Variants in ZBTB46 observed in about 807,000 individuals in gnomAD.
ZBTB46 encodes the protein zinc finger and BTB domain-containing protein 46.
In ZBTB46, 8 loss-of-function variants were observed where a neutral mutation model predicts 44.1. That is an observed-to-expected ratio of 0.18 (90% confidence interval 0.11 to 0.33). The LOEUF is 0.33. Among genes scored for constraint, ZBTB46 ranks in the 10% least tolerant of loss-of-function variants. The pLI, the probability that ZBTB46 is intolerant of heterozygous loss-of-function variation, is 1.00. For missense variants in ZBTB46, 651 were observed against 847.7 expected (o/e 0.77, Z 2.88); for synonymous variants, 409 against 382.3 (o/e 1.07, Z -0.81).
chr20:63,764,711 T>C (rs1025673370), intron 3 of ZBTB46, among the ~76,000 whole-genome samples: 1 of 151,328 alleles, frequency 6.6e-6, no homozygotes, highest in African/African-American at 2.4e-5. Flanking sequence ...CAAACAGTTC[T>C]CCTGCCTCAG....
In ZBTB46 at chr20:63,744,653, C is replaced by T. The variant is rs748342250; in HGVS notation, c.*2277G>A. 1.2e-4 allele frequency: 18 copies of T among 152,488 alleles called. No homozygotes were observed. The highest frequency in any genetic ancestry group is 3.4e-3 in the Middle Eastern group (1 of 294). The allele number at this position is 152,488 out of a possible 1,614,324, so 9.4% of individuals were successfully genotyped here. A position where few individuals can be genotyped will look rare whatever the true frequency, so the allele number is the denominator to read the frequency against. On this transcript the variant is annotated 3_prime_UTR_variant, in exon 5 of 5. Coordinates refer to ENST00000245663, the MANE Select transcript of ZBTB46 (RefSeq NM_001369741.1). ...GAGATGGACGTGCTCACCTGGGCCT[C>T]GGAAATCCCACACTCTTCAGTCGGC...
At chr20:63,807,850 C>CTCG (rs1017392719) in intron 1 of ZBTB46, among the ~76,000 whole-genome samples, 3 of 152,290 alleles carry the variant, frequency 2.0e-5, no homozygotes, top group Non-Finnish European at 4.4e-5. Context: ...CAGAGCGGGG[C>CTCG]TCGCCCGGTG....
chr20:63,790,522 G>A lies in ZBTB46; in HGVS notation c.236C>T (p.Thr79Met), dbSNP rs1336448650. The A allele has an allele frequency of 1.2e-6, 2 of 1,612,750 alleles. No individual in the cohort carries two copies. The highest frequency in any genetic ancestry group is 1.3e-5 in the African/African-American group (1 of 75,056). ...QATVTHLDIV[T>M]AQGFKAIIDF... ...GATGATGGCCTTGAAGCCCTGGGCC[G>A]TGACGATGTCCAGGTGCGTGACCGT... The change falls in exon 2 of 5, where the codon ACG (threonine) becomes ATG (methionine). Residue 79 changes from threonine (T) to methionine (M), a missense_variant. Transcript: ENST00000245663.
rs201298710 is a variant in ZBTB46 at position 63,762,653 on chromosome 20, AAAAC to A, written c.1223-9796_1223-9793del. Among the ~76,000 whole-genome samples the A allele has an allele frequency of 7.3e-3, 1,102 of 150,074 alleles. 23 individuals are homozygous for A. The East Asian group carries it at 0.098, about 13-fold the overall frequency. On this transcript the variant is annotated intron_variant, in intron 3 of 4. Coordinates refer to ENST00000245663, the MANE Select transcript of ZBTB46 (RefSeq NM_001369741.1). ...TGGGCAACAGTGAGACTTCTCTCAA[AAAAC>A]AAACAAACAAACAAACAAACAAAAA...
chr20:63,804,493 C>T (rs1473037746), intron 1 of ZBTB46, among the ~76,000 whole-genome samples: 1 of 152,188 alleles, frequency 6.6e-6, no homozygotes, highest in African/African-American at 2.4e-5. Flanking sequence ...CTTACACTGA[C>T]AGCACACATG....
At chr20:63,783,711 C>A (rs6122175) in intron 2 of ZBTB46, among the ~76,000 whole-genome samples, 82,664 of 151,974 alleles carry the variant, frequency 0.54, 22,652 homozygotes, top group South Asian at 0.62. Context: ...AGCCAAGCAT[C>A]TCCCGAGCAG....
chr20:63,830,057 G>A (rs1010972885), intron 1 of ZBTB46, among the ~76,000 whole-genome samples: 1 of 152,236 alleles, frequency 6.6e-6, no homozygotes, highest in South Asian at 2.1e-4. Flanking sequence ...CACGGAAAGC[G>A]AGAGAGGAAA....
chr20:63,819,946 G>C (rs913843483), intron 1 of ZBTB46, among the ~76,000 whole-genome samples: 1 of 152,094 alleles, frequency 6.6e-6, no homozygotes, highest in Admixed American at 6.6e-5. Context: ...TAAAAGCAAC[G>C]AAATACTATA....
chr20:63,799,947 C>T (rs1257312186), intron 1 of ZBTB46, among the ~76,000 whole-genome samples: 1 of 152,194 alleles, frequency 6.6e-6, no homozygotes, highest in Non-Finnish European at 1.5e-5. Flanking sequence ...GGTACCTACC[C>T]GAGAAGCAAA....
chr20:63,819,777 C>A (rs1199805546), intron 1 of ZBTB46, among the ~76,000 whole-genome samples: 3 of 152,156 alleles, frequency 2.0e-5, no homozygotes, highest in Non-Finnish European at 4.4e-5. Context: ...ACTCCGCCAA[C>A]AAGTAAGAAA....
chr20:63,765,993 C>T (rs906202188), intron 3 of ZBTB46, among the ~76,000 whole-genome samples: 2 of 152,146 alleles, frequency 1.3e-5, no homozygotes, highest in Non-Finnish European at 2.9e-5. Context: ...CAACTCTCTC[C>T]CCGCTGGGCC....
chr20:63,755,804 CT>C (rs35655140), intron 3 of ZBTB46, among the ~76,000 whole-genome samples: 2 of 152,160 alleles, frequency 1.3e-5, no homozygotes, highest in Non-Finnish European at 2.9e-5. Context: ...ACTGGGAAGC[CT>C]TTAAAGTCCA....
chr20:63,771,430 G>A (rs1219040650), intron 3 of ZBTB46, among the ~76,000 whole-genome samples: 1 of 152,182 alleles, frequency 6.6e-6, no homozygotes, highest in East Asian at 1.9e-4. Context: ...GCCGGGCCTG[G>A]CGCTCCCGCA....
At chr20:63,789,085 G>A (rs568968695) in intron 2 of ZBTB46, among the ~76,000 whole-genome samples, 162 of 151,418 alleles carry the variant, frequency 1.1e-3, no homozygotes, top group African/African-American at 3.5e-3. Context: ...TCAAAGTGCT[G>A]GGATTACAGG....
At chr20:63,782,467 C>A (rs961913261) in intron 2 of ZBTB46, among the ~76,000 whole-genome samples, 1 of 152,158 alleles carries the variant, frequency 6.6e-6, no homozygotes. Flanking sequence ...GCAGCCCTGC[C>A]GGCTGCTTCA....
intron 1 of ZBTB46, among the ~76,000 whole-genome samples, chr20:63,829,210 G>A (rs908356261): frequency 1.3e-5 from 2 of 152,174 alleles, no homozygotes; most frequent in Non-Finnish European, 2.9e-5. Flanking sequence ...CTGACCTGGG[G>A]GCCCTTAGGT....
chr20:63,753,256 C>T (rs1007794934), intron 3 of ZBTB46, among the ~76,000 whole-genome samples: 8 of 152,178 alleles, frequency 5.3e-5, no homozygotes. Context: ...GGCGTGGTGT[C>T]CGATCAGACG....
At chr20:63,819,795 G>A (rs745356364) in intron 1 of ZBTB46, among the ~76,000 whole-genome samples, 6 of 152,254 alleles carry the variant, frequency 3.9e-5, no homozygotes, top group Admixed American at 2.6e-4. Flanking sequence ...AAAAGCAACT[G>A]GGACGCTCGG....
At chr20:63,749,586 T>G (rs998163812) in intron 4 of ZBTB46, among the ~76,000 whole-genome samples, 57 of 152,344 alleles carry the variant, frequency 3.7e-4, no homozygotes, top group African/African-American at 1.3e-3. Flanking sequence ...TCTGCCCGCC[T>G]TGGCCTCCCA....
Sources: allele counts gnomAD v4.1 joint callset (sites outside exome capture counted in the v4.1 genomes callset), GRCh38; gene constraint gnomAD v4.1.1; transcripts MANE v1.5; gene names NCBI Gene and HGNC (gene_info 2026-07-23, HGNC 2026-07-21).